SPAG16: variants seen among roughly 807,000 people sequenced by gnomAD.
The protein encoded by SPAG16 is sperm associated antigen 16.
Under a neutral mutation model 80.4 loss-of-function variants are expected in SPAG16, and 86 were observed. That is an observed-to-expected ratio of 1.07 (90% CI 0.90 to 1.28). The LOEUF is 1.28. Ranked by LOEUF, SPAG16 falls within the 50% of genes most tolerant of loss-of-function variation. The pLI, the probability that SPAG16 is intolerant of heterozygous loss-of-function variation, is 0.00. For missense variants in SPAG16, 870 were observed against 765.3 expected (o/e 1.14, Z -1.61); for synonymous variants, 294 against 265.9 (o/e 1.11, Z -1.03).
intron 10 of SPAG16, among the ~76,000 whole-genome samples, chr2:213,612,671 A>C (rs1218682727): frequency 6.6e-6 from 1 of 152,160 alleles, no homozygotes; most frequent in Admixed American, 6.6e-5. Flanking sequence ...TAGCCTTGAA[A>C]AATAAAAATT....
chr2:213,729,058 A>T (rs2066914618), intron 10 of SPAG16, among the ~76,000 whole-genome samples: 1 of 152,164 alleles, frequency 6.6e-6, no homozygotes, highest in Non-Finnish European at 1.5e-5. Flanking sequence ...AAATTGTTTC[A>T]GAAGTAAAAT....
At chr2:213,640,394 G>C (rs1281743651) in intron 10 of SPAG16, among the ~76,000 whole-genome samples, 2 of 152,146 alleles carry the variant, frequency 1.3e-5, no homozygotes, top group Non-Finnish European at 2.9e-5. Context: ...GAAAGATCTG[G>C]AGCACAGGAG....
intron 1 of SPAG16, among the ~76,000 whole-genome samples, chr2:213,294,683 G>T (rs2126066393): frequency 6.6e-6 from 1 of 152,284 alleles, no homozygotes; most frequent in African/African-American, 2.4e-5. Flanking sequence ...GTCCCTGCAA[G>T]GGATAGGGAT....
intron 10 of SPAG16, among the ~76,000 whole-genome samples, chr2:213,505,800 A>T (rs1030327132): frequency 3.3e-5 from 5 of 152,088 alleles, no homozygotes; most frequent in African/African-American, 1.2e-4. Context: ...CCATCCCTCC[A>T]CACCCAGTCA....
chr2:214,284,709 CTT>C (rs1429636630), intron 15 of SPAG16, among the ~76,000 whole-genome samples: 3 of 152,064 alleles, frequency 2.0e-5, no homozygotes, highest in African/African-American at 7.2e-5. Context: ...GTAAGAAAGT[CTT>C]TTAGTTTTTC....
Position 213,813,390 on chromosome 2 carries a change from C to A in SPAG16, c.1071-49095C>A, listed in dbSNP as rs183899430. ...ACATAAGGCACAAAAGCACCTCCAC[C>A]CTCCACACCAGATAATTTCCACAGA... On this transcript the variant is annotated intron_variant, in intron 10 of 15. Coordinates refer to ENST00000331683, the MANE Select transcript of SPAG16 (RefSeq NM_024532.5). 3.9e-4 allele frequency among the ~76,000 whole-genome samples: 60 copies of A among 152,240 alleles called. 1 individual carries two copies. The highest frequency in any genetic ancestry group is 1.4e-3 in the African/African-American group (59 of 41,528).
intron 10 of SPAG16, among the ~76,000 whole-genome samples, chr2:213,552,261 T>G (rs1241313206): frequency 6.6e-6 from 1 of 152,196 alleles, no homozygotes. Context: ...GCATTAATTT[T>G]ACATTTTGAA....
intron 10 of SPAG16, among the ~76,000 whole-genome samples, chr2:213,650,275 T>G (rs990374023): frequency 6.6e-6 from 1 of 152,148 alleles, no homozygotes; most frequent in East Asian, 1.9e-4. Context: ...ACCTGAAAGC[T>G]CCACACTTCT....
intron 10 of SPAG16, among the ~76,000 whole-genome samples, chr2:213,752,448 T>C (rs960732715): frequency 6.6e-6 from 1 of 152,330 alleles, no homozygotes; most frequent in Non-Finnish European, 1.5e-5. Context: ...TCTTCTGTAG[T>C]TATAATAAAT....
chr2:213,930,008 G>T lies in SPAG16; in HGVS notation c.1263G>T (p.Trp421Cys), dbSNP rs375753147. 14 of 1,613,606 alleles carry T rather than the reference G, an allele frequency of 8.7e-6. No individual in the cohort carries two copies. The highest frequency in any genetic ancestry group is 4.0e-5 in the African/African-American group (3 of 74,888). The change falls in exon 12 of 16, where the codon TGG (tryptophan) becomes TGT (cysteine). Residue 421 changes from tryptophan to cysteine, a missense_variant. Coordinates refer to ENST00000331683, the MANE Select transcript of SPAG16 (RefSeq NM_024532.5). Reference sequence around the variant, plus strand: ...GTGGTGACACTACAGTTAAATTATGGGATCTATGTAAAGGCGATTGCATTT... The same window carrying T: ...GTGGTGACACTACAGTTAAATTATGTGATCTATGTAAAGGCGATTGCATTT... ...TSSGDTTVKL[W>C]DLCKGDCILT...
chr2:213,958,754 T>A (rs1398971292), intron 12 of SPAG16, among the ~76,000 whole-genome samples: 1 of 152,186 alleles, frequency 6.6e-6, no homozygotes, highest in Non-Finnish European at 1.5e-5. Context: ...TTTTAATGTG[T>A]TAGTATCTTA....
chr2:213,961,027 C>T (rs1051742970), intron 12 of SPAG16, among the ~76,000 whole-genome samples: 1 of 152,070 alleles, frequency 6.6e-6, no homozygotes, highest in Non-Finnish European at 1.5e-5. Context: ...CAGCCATCTG[C>T]GATGGGGACA....
chr2:213,336,719 T>C (rs2064381833), intron 5 of SPAG16, among the ~76,000 whole-genome samples: 1 of 152,144 alleles, frequency 6.6e-6, no homozygotes, highest in Non-Finnish European at 1.5e-5. Flanking sequence ...GACAGGAGTT[T>C]ATGAACAGAA....
chr2:213,501,857 T>C (rs772919748), intron 10 of SPAG16, among the ~76,000 whole-genome samples: 1 of 152,242 alleles, frequency 6.6e-6, no homozygotes, highest in Non-Finnish European at 1.5e-5. Flanking sequence ...TCTTTACTGC[T>C]AGTCATATTG....
intron 11 of SPAG16, among the ~76,000 whole-genome samples, chr2:213,922,632 C>G (rs535653359): frequency 6.6e-6 from 1 of 152,316 alleles, no homozygotes; most frequent in East Asian, 1.9e-4. Context: ...AGTTCTTTCA[C>G]TGGCTTTTTC....
At chr2:214,174,823 T>C (rs2057013944) in intron 15 of SPAG16, among the ~76,000 whole-genome samples, 1 of 151,612 alleles carries the variant, frequency 6.6e-6, no homozygotes, top group Non-Finnish European at 1.5e-5. Context: ...TTCATCACTT[T>C]TGCACGAATC....
At chr2:214,021,605 G>A (rs1395169374) in intron 13 of SPAG16, among the ~76,000 whole-genome samples, 1 of 151,872 alleles carries the variant, frequency 6.6e-6, no homozygotes, top group African/African-American at 2.4e-5. Context: ...ATTTGGGTGG[G>A]GACACAGAGC....
intron 15 of SPAG16, among the ~76,000 whole-genome samples, chr2:214,191,357 G>C (rs985877496): frequency 6.6e-6 from 1 of 152,042 alleles, no homozygotes; most frequent in Admixed American, 6.6e-5. Context: ...TATACCTTGA[G>C]CAGTAATTTG....
At chr2:214,397,038 G>A (rs12470997) in intron 15 of SPAG16, among the ~76,000 whole-genome samples, 96,372 of 151,634 alleles carry the variant, frequency 0.64, 32,629 homozygotes, top group South Asian at 0.76. Context: ...ATCCAGTGCA[G>A]CTTGCTGTAA....
Sources: allele counts gnomAD v4.1 joint callset (sites outside exome capture counted in the v4.1 genomes callset), GRCh38; gene constraint gnomAD v4.1.1; transcripts MANE v1.5; gene names NCBI Gene and HGNC (gene_info 2026-07-23, HGNC 2026-07-21).